The following WDR7 variants were observed in gnomAD, a reference collection of about 807,000 sequenced individuals.
WDR7 encodes WD repeat domain 7, also known as WD repeat-containing protein 7.
In WDR7, 46 loss-of-function variants were observed where a neutral mutation model predicts 169.4. That is an observed-to-expected ratio of 0.27 (90% CI 0.21 to 0.35). WDR7 has a LOEUF of 0.35. Ranked by LOEUF, WDR7 falls within the 10% of genes least tolerant of loss-of-function variation. The pLI is 1.00. For missense variants in WDR7, 1,534 were observed against 1,859.3 expected (o/e 0.83, Z 3.22); for synonymous variants, 612 against 666.8 (o/e 0.92, Z 1.27).
chr18:56,857,936 G>A (rs571034036), intron 20 of WDR7, among the ~76,000 whole-genome samples: 54 of 152,066 alleles, frequency 3.6e-4, no homozygotes, highest in Admixed American at 5.9e-4. Flanking sequence ...CTACAGTTTG[G>A]TACATGACTA....
Position 57,029,116 on chromosome 18 carries a change from G to A in WDR7, c.*1909G>A, listed in dbSNP as rs1268684232. On this transcript the variant is annotated 3_prime_UTR_variant, in exon 28 of 28. Coordinates refer to ENST00000254442, the MANE Select transcript of WDR7 (RefSeq NM_015285.3). Reference sequence around the variant, plus strand: ...CTCTATTTGGAATGATGAGGTAAATGTATACCTTAGCATTTTCTTTAACAA... The same window carrying A: ...CTCTATTTGGAATGATGAGGTAAATATATACCTTAGCATTTTCTTTAACAA... 1.3e-5 allele frequency: 2 copies of A among 152,324 alleles called. No homozygotes were observed. Among genetic ancestry groups the A allele is most frequent in the African/African-American group, 2.4e-5 (1 of 41,470 alleles). The allele number at this position is 152,324 out of a possible 1,614,324, so 9.4% of individuals were successfully genotyped here. A position where few individuals can be genotyped will look rare whatever the true frequency, so the allele number is the denominator to read the frequency against.
intron 1 of WDR7, among the ~76,000 whole-genome samples, chr18:56,669,791 A>G (rs899036213): frequency 3.3e-5 from 5 of 152,148 alleles, no homozygotes; most frequent in Non-Finnish European, 5.9e-5. Flanking sequence ...TTTTTATCCC[A>G]ATAAATCCTG....
chr18:56,734,292 G>C (rs2026649241), intron 14 of WDR7, among the ~76,000 whole-genome samples: 1 of 151,936 alleles, frequency 6.6e-6, no homozygotes, highest in Non-Finnish European at 1.5e-5. Flanking sequence ...TTTGACTGTA[G>C]ACCATGATAA....
intron 14 of WDR7, among the ~76,000 whole-genome samples, chr18:56,739,532 T>A (rs189352053): frequency 7.9e-5 from 12 of 152,286 alleles, no homozygotes; most frequent in African/African-American, 2.6e-4. Flanking sequence ...TAAACTCTGT[T>A]CTTTTTGTAC....
At chr18:56,663,094 GA>G (rs1179552902) in intron 1 of WDR7, among the ~76,000 whole-genome samples, 4 of 152,254 alleles carry the variant, frequency 2.6e-5, no homozygotes, top group African/African-American at 9.6e-5. Flanking sequence ...GGTGGAGAGG[GA>G]GAGAGCTTTT....
chr18:56,982,061 C>T (rs1039690436), intron 26 of WDR7, among the ~76,000 whole-genome samples: 2 of 152,056 alleles, frequency 1.3e-5, no homozygotes, highest in Non-Finnish European at 2.9e-5. Context: ...TATTCTGAAC[C>T]GTTTTAATAT....
intron 25 of WDR7, among the ~76,000 whole-genome samples, chr18:56,945,099 C>T (rs888271719): frequency 6.6e-6 from 1 of 152,028 alleles, no homozygotes; most frequent in Non-Finnish European, 1.5e-5. Context: ...TTACCCTGTT[C>T]CGTAAAGGAG....
At chr18:56,823,941 C>T (rs1377282313) in intron 20 of WDR7, among the ~76,000 whole-genome samples, 1 of 152,146 alleles carries the variant, frequency 6.6e-6, no homozygotes, top group East Asian at 1.9e-4. Context: ...ATCATGTCTT[C>T]CATGACTCTG....
At chr18:56,962,117 AT>A (rs200339901) in intron 25 of WDR7, among the ~76,000 whole-genome samples, 1,741 of 151,542 alleles carry the variant, frequency 0.011, 16 homozygotes, top group Non-Finnish European at 0.016. Flanking sequence ...TTCATATTTA[AT>A]TTTTTTTTAT....
chr18:56,923,673 A>G (rs1010592443), intron 21 of WDR7, among the ~76,000 whole-genome samples: 5 of 152,244 alleles, frequency 3.3e-5, no homozygotes, highest in African/African-American at 9.6e-5. Context: ...GAAATTATAT[A>G]TACTCATTTA....
chr18:56,995,126 A>G (rs1043039397), intron 26 of WDR7, among the ~76,000 whole-genome samples: 3 of 152,220 alleles, frequency 2.0e-5, no homozygotes, highest in Non-Finnish European at 4.4e-5. Context: ...AGCTAAGGAT[A>G]TTAAATTCTG....
rs984577528 is a variant in WDR7, at chr18:56,751,650, A to G, written c.1990-4933A>G. Among the ~76,000 whole-genome samples the G allele has an allele frequency of 5.9e-5, 9 of 152,334 alleles. No homozygotes were observed. The South Asian group carries it at 1.7e-3, about 28-fold the overall frequency. Reference sequence around the variant, plus strand: ...TAATACCTAGTCTGGTGCCTAGGCCATAACAACAGCTTTGTATGTGGTAGC... The same window carrying G: ...TAATACCTAGTCTGGTGCCTAGGCCGTAACAACAGCTTTGTATGTGGTAGC... On this transcript the variant is annotated intron_variant, in intron 14 of 27. Transcript: ENST00000254442.
At chr18:56,780,726 G>A (rs2044307392) in intron 18 of WDR7, among the ~76,000 whole-genome samples, 1 of 152,174 alleles carries the variant, frequency 6.6e-6, no homozygotes, top group Admixed American at 6.5e-5. Context: ...CTGGAGCCCG[G>A]GAGGTGGAAG....
intron 20 of WDR7, among the ~76,000 whole-genome samples, chr18:56,846,391 T>C (rs891595670): frequency 8.5e-5 from 13 of 152,080 alleles, no homozygotes; most frequent in African/African-American, 3.1e-4. Context: ...TTCCCTACTA[T>C]CCTCATGGTA....
intron 20 of WDR7, among the ~76,000 whole-genome samples, chr18:56,840,797 T>C (rs1258442734): frequency 3.3e-5 from 5 of 151,580 alleles, no homozygotes; most frequent in Non-Finnish European, 7.4e-5. Flanking sequence ...CCAGCCTGGA[T>C]GATAGAGTGA....
chr18:56,887,740 T>C (rs2046215449), intron 21 of WDR7, among the ~76,000 whole-genome samples: 1 of 152,140 alleles, frequency 6.6e-6, no homozygotes, highest in Non-Finnish European at 1.5e-5. Flanking sequence ...TCAAGACCTT[T>C]CTTATTTGAA....
At chr18:56,948,525 C>T (rs898934147) in intron 25 of WDR7, among the ~76,000 whole-genome samples, 2 of 152,168 alleles carry the variant, frequency 1.3e-5, no homozygotes, top group Non-Finnish European at 2.9e-5. Context: ...ATGACACTAG[C>T]TATGGCGCTT....
chr18:56,804,674 T>C (rs991042731), intron 19 of WDR7, among the ~76,000 whole-genome samples: 1 of 152,188 alleles, frequency 6.6e-6, no homozygotes, highest in African/African-American at 2.4e-5. Context: ...ATAACAGTGG[T>C]CCGCTGAGAT....
chr18:56,747,421 A>G (rs1367535986), intron 14 of WDR7, among the ~76,000 whole-genome samples: 1 of 152,230 alleles, frequency 6.6e-6, no homozygotes, highest in East Asian at 1.9e-4. Context: ...TGATTGATTG[A>G]TTCATGCATT....
Sources: allele counts gnomAD v4.1 joint callset (sites outside exome capture counted in the v4.1 genomes callset), GRCh38; gene constraint gnomAD v4.1.1; transcripts MANE v1.5; gene names NCBI Gene and HGNC (gene_info 2026-07-23, HGNC 2026-07-21).